DUSP22: variants seen among roughly 807,000 people sequenced by gnomAD.
DUSP22 encodes dual specificity protein phosphatase 22.
Under a neutral mutation model 24.5 loss-of-function variants are expected in DUSP22, and 24 were observed. The ratio of observed to expected loss-of-function variants is 0.98; its 90% confidence interval spans 0.71 to 1.38. The LOEUF (loss-of-function observed/expected upper bound fraction) is 1.38, where lower values mean the gene tolerates loss of function less well. DUSP22 is among the 40% of genes most tolerant of loss of function. The probability of loss-of-function intolerance (pLI) is 0.00; values close to 1 mark genes in which losing one functional copy is unlikely to be tolerated. For missense variants in DUSP22, 330 were observed against 269.2 expected, an observed-to-expected ratio of 1.23 and a Z score of -1.58; for synonymous variants, 160 against 106.4, an observed-to-expected ratio of 1.50 and a Z score of -3.10.
chr6:346,699 T>C (rs1759895909), intron 5 of DUSP22, among the ~76,000 whole-genome samples: 1 of 152,228 alleles, frequency 6.6e-6, no homozygotes, highest in Non-Finnish European at 1.5e-5. Flanking sequence ...GAATGAAGTG[T>C]GTTATTAATT....
intron 1 of DUSP22, among the ~76,000 whole-genome samples, chr6:299,845 C>A (rs1757503241): frequency 6.6e-6 from 1 of 152,308 alleles, no homozygotes; most frequent in African/African-American, 2.4e-5. Context: ...CCACTCAGGG[C>A]AGAAAGGGGC....
intron 2 of DUSP22, 77 bp downstream of exon 2, chr6:304,738 A>G (rs1475467728): frequency 8.8e-6 from 14 of 1,589,930 alleles, no homozygotes; most frequent in East Asian, 2.2e-5. Context: ...TTTAAAGTGT[A>G]TAGGTCAGTG....
At chr6:293,321 TGA>T (rs1194632960) in intron 1 of DUSP22, among the ~76,000 whole-genome samples, 2 of 152,304 alleles carry the variant, frequency 1.3e-5, no homozygotes, top group Non-Finnish European at 2.9e-5. Flanking sequence ...CTCTGGCAGC[TGA>T]GAGTTGCCGG....
intron 3 of DUSP22, among the ~76,000 whole-genome samples, chr6:317,488 G>A (rs1178953498): frequency 1.3e-5 from 2 of 152,290 alleles, no homozygotes; most frequent in African/African-American, 2.4e-5. Context: ...CCCTCCCTCC[G>A]AGCTCAGCCC....
At chr6:311,818 G>T in intron 2 of DUSP22, 62 bp from the exon 3 acceptor site, 3 of 1,463,974 alleles carry the variant, frequency 2.0e-6, no homozygotes, top group Non-Finnish European at 1.9e-6. Flanking sequence ...TTTCTGGCTA[G>T]ACTTTAGGAG....
chr6:303,882 G>A (rs1368125251), intron 1 of DUSP22, among the ~76,000 whole-genome samples: 1 of 152,304 alleles, frequency 6.6e-6, no homozygotes, highest in Non-Finnish European at 1.5e-5. Context: ...CCAGAAATGT[G>A]TATTTTTAAC....
intron 3 of DUSP22, among the ~76,000 whole-genome samples, chr6:319,702 C>CT (rs1156629749): frequency 6.6e-6 from 1 of 152,310 alleles, no homozygotes; most frequent in African/African-American, 2.4e-5. Flanking sequence ...AGGTCCAAGT[C>CT]TTTTGAAAAC....
chr6:348,390 C>A, intron 6 of DUSP22, 116 bp downstream of exon 6: 1 of 1,503,252 alleles, frequency 6.7e-7, no homozygotes, highest in Non-Finnish European at 9.0e-7. Flanking sequence ...CCACAGAGGA[C>A]ATCGGCTCCC....
Position 311,911 on chromosome 6 carries a change from C to A in DUSP22, c.87C>A (p.Asn29Lys), listed in dbSNP as rs1441674448. 6.2e-7 allele frequency: 1 copy of A among 1,612,276 alleles called. No homozygotes were observed. Among genetic ancestry groups the A allele is most frequent in the South Asian group, 1.1e-5 (1 of 90,964 alleles). The change falls in exon 3 of 7, where the codon AAC becomes AAA. Residue 29 changes from asparagine (N) to lysine (K), a missense_variant. By Grantham distance (94) the Asn-to-Lys change is moderately conservative (BLOSUM62 0). Transcript: ENST00000419235. ...GAGACGCGGAACAATTGAGCAAGAACAAGGTGACACATATTCTGTCTGTCC... is the reference window on the plus strand; with the variant it reads ...GAGACGCGGAACAATTGAGCAAGAAAAAGGTGACACATATTCTGTCTGTCC... Reference protein sequence around the residue: ...DARDAEQLSKNKVTHILSVHD... With the variant: ...DARDAEQLSKKKVTHILSVHD...
intron 3 of DUSP22, among the ~76,000 whole-genome samples, chr6:324,202 T>A (rs1396035610): frequency 1.3e-5 from 2 of 152,300 alleles, no homozygotes; most frequent in Non-Finnish European, 2.9e-5. Context: ...GCCGGAGCAC[T>A]CTCTTCCCCT....
intron 4 of DUSP22, among the ~76,000 whole-genome samples, chr6:341,149 C>T (rs58210931): frequency 0.032 from 4,745 of 150,632 alleles, 5 homozygotes; most frequent in African/African-American, 0.11. Flanking sequence ...ATGATAGCCC[C>T]GGGCGCTGTT....
chr6:302,588 T>TCA (rs1757635617), intron 1 of DUSP22, among the ~76,000 whole-genome samples: 2 of 152,306 alleles, frequency 1.3e-5, no homozygotes, highest in African/African-American at 4.8e-5. Context: ...CCTGTCTCTC[T>TCA]CAGTCACACC....
intron 4 of DUSP22, among the ~76,000 whole-genome samples, chr6:336,131 A>G (rs1759352975): frequency 6.6e-6 from 1 of 152,304 alleles, no homozygotes; most frequent in South Asian, 2.1e-4. Context: ...CCTGAAGCAC[A>G]CATCTGACTT....
rs566246334 is a variant in DUSP22, at chr6:313,572, C to T, written c.138+1610C>T. On this transcript the variant is annotated intron_variant, in intron 3 of 6. Transcript: ENST00000419235. ...GCTCAGTCTGTAAGGACAAATTCTG[C>T]CTTTAAAAAAAGAGAGAGAGAAGTG... Among the ~76,000 whole-genome samples, 37 of 152,402 alleles carry T rather than the reference C, an allele frequency of 2.4e-4. No individual in the cohort carries two copies. The East Asian group carries it at 7.1e-3, about 29-fold the overall frequency.
intron 4 of DUSP22, among the ~76,000 whole-genome samples, chr6:342,443 G>T (rs755012013): frequency 1.3e-5 from 2 of 152,306 alleles, no homozygotes; most frequent in Admixed American, 6.5e-5. Flanking sequence ...CCAGTCAGCT[G>T]CCCCAGCCTG....
intron 2 of DUSP22, among the ~76,000 whole-genome samples, chr6:305,916 A>G (rs1355335029): frequency 6.6e-6 from 1 of 152,306 alleles, no homozygotes; most frequent in African/African-American, 2.4e-5. Flanking sequence ...ATTCAAATTG[A>G]TTGTACAAAT....
chr6:336,921 A>G (rs1158568245), intron 4 of DUSP22: 2 of 152,410 alleles, frequency 1.3e-5, no homozygotes, highest in Non-Finnish European at 2.9e-5. Context: ...TTTGGTGGCT[A>G]TTTTTAGAAT....
chr6:334,970 A>T, intron 3 of DUSP22, 144 bp from the exon 4 acceptor site: 1 of 956,362 alleles, frequency 1.0e-6, no homozygotes. Context: ...GTTTTTCTGC[A>T]GTTCCTTGGC....
chr6:304,732 A>G, intron 2 of DUSP22, 71 bp downstream of exon 2: 1 of 1,596,286 alleles, frequency 6.3e-7, no homozygotes, highest in South Asian at 1.1e-5. Flanking sequence ...GACCATTTTA[A>G]AGTGTATAGG....
Sources: allele counts gnomAD v4.1 joint callset (sites outside exome capture counted in the v4.1 genomes callset), GRCh38; gene constraint gnomAD v4.1.1; transcripts MANE v1.5; gene names NCBI Gene and HGNC (gene_info 2026-07-23, HGNC 2026-07-21).